FER1L5: variants seen among roughly 807,000 people sequenced by gnomAD.
The protein encoded by FER1L5 is fer-1-like protein 5.
Under a neutral mutation model 279.9 loss-of-function variants are expected in FER1L5, and 187 were observed. That is an observed-to-expected ratio of 0.67 (90% CI 0.59 to 0.75). The LOEUF (loss-of-function observed/expected upper bound fraction) is 0.75, where lower values mean the gene tolerates loss of function less well. Among genes scored for constraint, FER1L5 ranks in the 30% least tolerant of loss-of-function variants. FER1L5 has a pLI of 0.00. For missense variants in FER1L5, 2,091 were observed against 2,594.4 expected (o/e 0.81, Z 4.21); for synonymous variants, 921 against 989.7 (o/e 0.93, Z 1.30).
At position 96,684,425 on chromosome 2, in the gene FER1L5, C is replaced by T; in HGVS notation, c.1768C>T (p.Leu590Phe). Residue 590 changes from leucine (L) to phenylalanine (F), a missense_variant, in exon 20 of 53, where the codon CTC (leucine) becomes TTC (phenylalanine). By Grantham distance (22) the Leu-to-Phe change is conservative. Coordinates refer to ENST00000624922, the MANE Select transcript of FER1L5 (RefSeq NM_001293083.2). ...DVSFRMNCLN[L>F]LHFTRDRLKA... ...CAGCTTCCGCATGAACTGCCTCAAC[C>T]TCCTCCACTTCACTCGGGACCGCCT... 1 of 1,551,622 alleles carries T rather than the reference C, an allele frequency of 6.4e-7. No homozygotes were observed. Among genetic ancestry groups the T allele is most frequent in the Non-Finnish European group, 8.7e-7 (1 of 1,146,978 alleles).
Position 96,704,326 on chromosome 2 carries a change from AG to A in FER1L5, c.5914del (p.Ala1972HisfsTer17). ...TAGCCTTTATGGTCATATCGATTAT[AG>A]CACTTATGCTGTTTAACTTCATCTA... ...LIAFMVISIIALMLFNFIYSA... is the reference protein window; with the variant it reads ...LIAFMVISIIXLMLFNFIYSA... On this transcript the variant is annotated frameshift_variant, in exon 52 of 53. Transcript: ENST00000624922. LOFTEE classifies it low-confidence loss of function (END_TRUNC). 1 of 1,613,976 alleles carries A rather than the reference AG, an allele frequency of 6.2e-7. No homozygotes were observed. The highest frequency in any genetic ancestry group is 8.5e-7 in the Non-Finnish European group (1 of 1,179,888).
intron 4 of FER1L5, among the ~76,000 whole-genome samples, chr2:96,648,863 A>T (rs1225737769): frequency 6.6e-6 from 1 of 152,240 alleles, no homozygotes; most frequent in Non-Finnish European, 1.5e-5. Context: ...CAATGCGTTT[A>T]TCGGGATGTG....
At chr2:96,692,244 T>A in intron 31 of FER1L5, 63 bp downstream of exon 31, 2 of 1,523,056 alleles carry the variant, frequency 1.3e-6, no homozygotes, top group Non-Finnish European at 1.8e-6. Context: ...AGCAGGGTTG[T>A]GTTCCTGCAG....
intron 37 of FER1L5, 105 bp downstream of exon 37, chr2:96,696,182 CTG>C: frequency 2.1e-6 from 3 of 1,450,386 alleles, no homozygotes; most frequent in Non-Finnish European, 2.8e-6. Flanking sequence ...CCGTGCCCAA[CTG>C]TGAGGCCCAC....
Position 96,684,328 on chromosome 2 carries a change from G to A in FER1L5, c.1671G>A (p.Gly557=). The A allele has an allele frequency of 6.4e-7, 1 of 1,551,426 alleles. No homozygotes were observed. Among genetic ancestry groups the A allele is most frequent in the Non-Finnish European group, 8.7e-7 (1 of 1,146,798 alleles). Residue 557 remains glycine, a splice_region_variant and synonymous_variant, in exon 20 of 53, where the codon GGG becomes GGA. Coordinates refer to ENST00000624922, the MANE Select transcript of FER1L5 (RefSeq NM_001293083.2). ...CCTCCATGTGTCTCTGTGTCTCAGG[G>A]AACATCTACCATTATGTGCCCTGGT... ...STPYSPVIYD[G]NIYHYVPWYN... is the part of the protein sequence containing the mutation.
chr2:96,659,354 C>CTTCTTTCTTTCTTTCTTTCTTTCT (rs1573815828), intron 9 of FER1L5, among the ~76,000 whole-genome samples: 1 of 64,398 alleles, frequency 1.6e-5, no homozygotes, highest in Non-Finnish European at 2.9e-5. Context: ...TCCTTCCTTC[C>CTTCTTTCTTTCTTTCTTTCTTTCT]TTCCTTCCTT....
In FER1L5 at chr2:96,685,340, G is replaced by C; in HGVS notation, c.1806G>C (p.Leu602=). ...HFTRDRLKAN[L]DTLKSTRNPK... is the part of the protein sequence containing the mutation. ...CTCCTGCTGGGCAGAAAGCCAACCT[G>C]GACACCCTGAAATCCACGCGGAATC... Residue 602 remains leucine, a synonymous_variant, in exon 21 of 53, where the codon CTG becomes CTC. Transcript: ENST00000624922. 1.3e-6 allele frequency: 2 copies of C among 1,551,116 alleles called. No individual in the cohort carries two copies. The highest frequency in any genetic ancestry group is 1.7e-6 in the Non-Finnish European group (2 of 1,146,776).
In FER1L5 at chr2:96,691,570, G is replaced by A. The variant is rs2153283424; in HGVS notation, c.3033G>A (p.Lys1011=). 2 of 1,547,078 alleles carry A rather than the reference G, an allele frequency of 1.3e-6. No individual in the cohort carries two copies. Among genetic ancestry groups the A allele is most frequent in the East Asian group, 4.9e-5 (2 of 40,884 alleles). Residue 1011 remains lysine (K), a synonymous_variant, in exon 29 of 53, where the codon AAG becomes AAA. Coordinates refer to ENST00000624922, the MANE Select transcript of FER1L5 (RefSeq NM_001293083.2). This position sits in a 1 kb window ranked among gnomAD's most constrained non-coding sequence, Gnocchi z 6.0. ...GGCGCCGCAGGCTGGCCCCCAACAA[G>A]GACAAGGGCATCGCGCCCATATTCC... ...RCWRRRLAPN[K]DKGIAPIFLL...
Position 96,693,655 on chromosome 2 carries a change from G to C in FER1L5, c.3442G>C (p.Val1148Leu). The C allele has an allele frequency of 6.4e-7, 1 of 1,551,736 alleles. No homozygotes were observed. The highest frequency in any genetic ancestry group is 1.7e-4 in the Middle Eastern group (1 of 5,990). Residue 1148 changes from valine (V) to leucine (L), a missense_variant, in exon 32 of 53, where the codon GTG (valine) becomes CTG (leucine). Val to Leu is a conservative substitution (Grantham distance 32). Transcript: ENST00000624922. ...PQDTKESPPL[V>L]VLELWQRDFW... Reference sequence around the variant, plus strand: ...GGACACCAAAGAGAGCCCACCGCTTGTGGTGCTGGAGCTGTGGCAGCGTGA... The same window carrying C: ...GGACACCAAAGAGAGCCCACCGCTTCTGGTGCTGGAGCTGTGGCAGCGTGA...
At chr2:96,646,976 GC>G in intron 2 of FER1L5, 87 bp from the exon 3 acceptor site, 1 of 1,349,606 alleles carries the variant, frequency 7.4e-7, no homozygotes. Flanking sequence ...TGCAGTGCCA[GC>G]CCGTTCCCCA....
chr2:96,696,612 T>A (rs1042532872), intron 37 of FER1L5, among the ~76,000 whole-genome samples: 11 of 151,436 alleles, frequency 7.3e-5, no homozygotes, highest in Non-Finnish European at 1.3e-4. Flanking sequence ...TAAAAAAAAA[T>A]TTTTTTGGCT....
intron 18 of FER1L5, among the ~76,000 whole-genome samples, 186 bp downstream of exon 18, chr2:96,670,433 T>A (rs942939608): frequency 5.9e-5 from 9 of 152,086 alleles, no homozygotes; most frequent in Non-Finnish European, 5.9e-5. Context: ...CTGCACCAAA[T>A]CCCGGTGGTT....
At chr2:96,654,752 AGCG>A (rs1366799787) in intron 9 of FER1L5, 4 of 209,774 alleles carry the variant, frequency 1.9e-5, no homozygotes, top group Admixed American at 1.8e-4. Flanking sequence ...ACAAAAAATT[AGCG>A]GGGTGAGGTG....
intron 37 of FER1L5, among the ~76,000 whole-genome samples, chr2:96,696,874 C>T (rs540734580): frequency 6.6e-6 from 1 of 152,272 alleles, no homozygotes; most frequent in South Asian, 2.1e-4. Flanking sequence ...CACTGCACTC[C>T]AGCCTAGGCA....
chr2:96,699,044 G>GA lies in FER1L5; in HGVS notation c.4519-1_4519insA (p.Cys1507MetfsTer2), dbSNP rs1558929223. Reference sequence around the variant, plus strand: ...CTTCCCCCACTTGTATCTGACCCCAGTGTGACCCTTATGTGATCCTGAAAC... The same window carrying GA: ...CTTCCCCCACTTGTATCTGACCCCAGATGTGACCCTTATGTGATCCTGAAAC... On this transcript the variant is annotated frameshift_variant and splice_region_variant. Coordinates refer to ENST00000624922, the MANE Select transcript of FER1L5 (RefSeq NM_001293083.2). LOFTEE classifies it high-confidence loss of function. The GA allele has an allele frequency of 6.2e-7, 1 of 1,608,100 alleles. No homozygotes were observed. The highest frequency in any genetic ancestry group is 1.1e-5 in the South Asian group (1 of 89,798).
At chr2:96,683,434 C>A (rs1021420222) in intron 19 of FER1L5, among the ~76,000 whole-genome samples, 30 of 152,122 alleles carry the variant, frequency 2.0e-4, no homozygotes, top group African/African-American at 6.3e-4. Flanking sequence ...CTTATAAGGA[C>A]CCCAGTCCTT....
At chr2:96,643,979 C>A (rs2075001222) in intron 1 of FER1L5, among the ~76,000 whole-genome samples, 1 of 150,334 alleles carries the variant, frequency 6.7e-6, no homozygotes, top group South Asian at 2.1e-4. Flanking sequence ...CAAGACCAGC[C>A]TGGCCAACAC....
Position 96,691,160 on chromosome 2 carries a change from G to A in FER1L5, c.2744-30G>A. The A allele has an allele frequency of 6.5e-7, 1 of 1,528,168 alleles. No individual in the cohort carries two copies. Among genetic ancestry groups the A allele is most frequent in the Non-Finnish European group, 8.8e-7 (1 of 1,133,646 alleles). 94.7% of individuals were successfully genotyped at this position (1,528,168 alleles called of 1,614,324 possible). On this transcript the variant is annotated intron_variant, in intron 27 of 52. Coordinates refer to ENST00000624922, the MANE Select transcript of FER1L5 (RefSeq NM_001293083.2). This position sits in a 1 kb window ranked among gnomAD's most constrained non-coding sequence, Gnocchi z 6.0. ...GCCTCCCAACCTGCGGGCACCTGAG[G>A]ACTCAGAGGCCATGGTCCACCCACC...
In FER1L5 at chr2:96,654,501, G is replaced by A. The variant is rs1286846563; in HGVS notation, c.747+5G>A. ...GCAGAGATCGGGAGATTTCAAGTGA[G>A]TACTGTACATGGGAGGAGGTTCAGT... On this transcript the variant is annotated splice_donor_5th_base_variant and intron_variant, in intron 9 of 52. Transcript: ENST00000624922. 7.5e-6 allele frequency: 3 copies of A among 398,910 alleles called. No individual in the cohort carries two copies. The highest frequency in any genetic ancestry group is 1.3e-5 in the Non-Finnish European group (3 of 226,048). The allele number at this position is 398,910 out of a possible 1,614,324, so 24.7% of individuals were successfully genotyped here.
Sources: gnomAD v4.1 joint callset for allele counts (sites outside exome capture counted in the v4.1 genomes callset) on GRCh38, gnomAD v4.1.1 for gene constraint, Gnocchi (gnomAD v3.1) non-coding constraint, MANE v1.5 for transcripts, NCBI Gene and HGNC (gene_info 2026-07-23, HGNC 2026-07-21) for gene names.